Variants in TBC1D19 observed in about 807,000 individuals in gnomAD.
The protein encoded by TBC1D19 is TBC1 domain family member 19.
In TBC1D19, 60 loss-of-function variants were observed where a neutral mutation model predicts 89.0. That is an observed-to-expected ratio of 0.67 (90% CI 0.55 to 0.84). The LOEUF (loss-of-function observed/expected upper bound fraction) is 0.84, where lower values mean the gene tolerates loss of function less well. TBC1D19 is among the 40% of genes least tolerant of loss of function. The pLI is 0.00. For missense variants in TBC1D19, 500 were observed against 610.8 expected (o/e 0.82, Z 1.91); for synonymous variants, 189 against 199.7 (o/e 0.95, Z 0.45).
intron 8 of TBC1D19, among the ~76,000 whole-genome samples, chr4:26,660,058 A>G (rs899467259): frequency 4.6e-5 from 7 of 152,216 alleles, no homozygotes; most frequent in Non-Finnish European, 1.0e-4. Context: ...AGTACATTTT[A>G]TTTAATTTCA....
chr4:26,622,209 C>T (rs1020854271), intron 4 of TBC1D19, among the ~76,000 whole-genome samples: 3 of 149,764 alleles, frequency 2.0e-5, no homozygotes, highest in African/African-American at 4.9e-5. Context: ...CAAACCTGCA[C>T]GTTGTACACA....
chr4:26,598,200 C>T (rs1433016947), intron 1 of TBC1D19, among the ~76,000 whole-genome samples: 2 of 152,074 alleles, frequency 1.3e-5, no homozygotes, highest in African/African-American at 4.8e-5. Flanking sequence ...TCCATACATT[C>T]CCTTGTGCAA....
intron 13 of TBC1D19, among the ~76,000 whole-genome samples, chr4:26,695,204 A>T (rs771382144): frequency 2.6e-4 from 39 of 152,238 alleles, no homozygotes; most frequent in Non-Finnish European, 5.3e-4. Context: ...GAACTACGTG[A>T]CAAATGCACA....
the TBC1D19 span, among the ~76,000 whole-genome samples, chr4:26,768,163 G>A: frequency 6.6e-6 from 1 of 152,100 alleles, no homozygotes; most frequent in Non-Finnish European, 1.5e-5. Flanking sequence ...TTACTCAGAA[G>A]GATTAAAGGG....
chr4:26,708,292 C>T (rs1430144614), intron 13 of TBC1D19, among the ~76,000 whole-genome samples: 1 of 151,990 alleles, frequency 6.6e-6, no homozygotes, highest in Non-Finnish European at 1.5e-5. Context: ...TATGTCAGCC[C>T]ATTGCTTGTG....
chr4:26,808,740 A>AG, the TBC1D19 span, among the ~76,000 whole-genome samples: 121 of 149,944 alleles, frequency 8.1e-4, no homozygotes, highest in Non-Finnish European at 1.6e-3. Context: ...AAAAAAAAAA[A>AG]AAAAAAGAAA....
At chr4:26,779,321 G>A in the TBC1D19 span, among the ~76,000 whole-genome samples, 3 of 152,264 alleles carry the variant, frequency 2.0e-5, no homozygotes, top group African/African-American at 7.2e-5. Flanking sequence ...AAGGAACTCC[G>A]GGAGAAGGGG....
the TBC1D19 span, among the ~76,000 whole-genome samples, chr4:26,766,743 T>C: frequency 2.0e-5 from 3 of 152,198 alleles, no homozygotes; most frequent in Admixed American, 1.3e-4. Flanking sequence ...ACTAACTGTG[T>C]GACTTTGGTA....
chr4:26,663,541 T>G (rs988320020), intron 8 of TBC1D19, among the ~76,000 whole-genome samples: 11 of 152,190 alleles, frequency 7.2e-5, no homozygotes, highest in African/African-American at 2.4e-4. Flanking sequence ...AGTTTCAGCT[T>G]ATGTGTGAAT....
At chr4:26,773,416 G>A in the TBC1D19 span, among the ~76,000 whole-genome samples, 1 of 152,188 alleles carries the variant, frequency 6.6e-6, no homozygotes, top group Non-Finnish European at 1.5e-5. Context: ...TCTGTAGGAT[G>A]TCTGTTCACT....
intron 7 of TBC1D19, among the ~76,000 whole-genome samples, chr4:26,642,280 T>C (rs1743598712): frequency 6.6e-6 from 1 of 152,192 alleles, no homozygotes; most frequent in Non-Finnish European, 1.5e-5. Flanking sequence ...ATATTCAACA[T>C]TCTTAAAGAA....
the TBC1D19 span, among the ~76,000 whole-genome samples, chr4:26,770,432 A>G: frequency 6.6e-6 from 1 of 152,132 alleles, no homozygotes; most frequent in Non-Finnish European, 1.5e-5. Flanking sequence ...GGAAAAACAG[A>G]CAAGTCTACA....
At chr4:26,714,417 G>C (rs891718950) in intron 13 of TBC1D19, among the ~76,000 whole-genome samples, 1 of 151,998 alleles carries the variant, frequency 6.6e-6, no homozygotes, top group Non-Finnish European at 1.5e-5. Context: ...TCTCGTCAAG[G>C]TCATCAAGAA....
chr4:26,718,387 C>T (rs1716776172), intron 14 of TBC1D19, among the ~76,000 whole-genome samples: 1 of 152,074 alleles, frequency 6.6e-6, no homozygotes, highest in Non-Finnish European at 1.5e-5. Flanking sequence ...CCACCACACA[C>T]AAAACTTTGA....
intron 11 of TBC1D19, among the ~76,000 whole-genome samples, chr4:26,676,017 A>G (rs543825550): frequency 6.6e-6 from 1 of 152,206 alleles, no homozygotes; most frequent in Non-Finnish European, 1.5e-5. Context: ...AACATTGTTC[A>G]TATTTTAAAA....
the TBC1D19 span, among the ~76,000 whole-genome samples, chr4:26,838,631 T>C: frequency 6.6e-6 from 1 of 152,178 alleles, no homozygotes; most frequent in Non-Finnish European, 1.5e-5. Context: ...AAACAGTTGG[T>C]GAGAGTAGGC....
intron 15 of TBC1D19, among the ~76,000 whole-genome samples, chr4:26,729,975 A>G (rs1047725665): frequency 6.6e-6 from 1 of 152,206 alleles, no homozygotes; most frequent in African/African-American, 2.4e-5. Flanking sequence ...GAACTTTTTC[A>G]TGGTCTCATT....
chr4:26,850,351 C>T, the TBC1D19 span, among the ~76,000 whole-genome samples: 1 of 151,514 alleles, frequency 6.6e-6, no homozygotes, highest in Non-Finnish European at 1.5e-5. Context: ...GAGCTCCAGA[C>T]AGCCTGGGAA....
the TBC1D19 span, among the ~76,000 whole-genome samples, chr4:26,826,725 G>A: frequency 6.6e-6 from 1 of 152,156 alleles, no homozygotes; most frequent in Non-Finnish European, 1.5e-5. Context: ...ATAACTGTTG[G>A]CGAGCAGGAA....
Sources: allele counts gnomAD v4.1 joint callset (sites outside exome capture counted in the v4.1 genomes callset), GRCh38; gene constraint gnomAD v4.1.1; transcripts MANE v1.5; gene names NCBI Gene and HGNC (gene_info 2026-07-23, HGNC 2026-07-21).